Variants in SMIM31 observed in about 807,000 individuals in gnomAD.
SMIM31 encodes the protein human epithelial cell program regulator.
chr4:164,786,155 T>G (rs754798435), intron 2 of SMIM31, among the ~76,000 whole-genome samples: 1 of 152,194 alleles, frequency 6.6e-6, no homozygotes, highest in Non-Finnish European at 1.5e-5. Context: ...GTGACACAAT[T>G]TCCCAGGAAC....
intron 1 of SMIM31, among the ~76,000 whole-genome samples, chr4:164,765,992 T>C (rs149606489): frequency 7.9e-4 from 120 of 152,222 alleles, no homozygotes; most frequent in African/African-American, 2.8e-3. Flanking sequence ...TTCCATGCTG[T>C]CCCCGAGCAA....
At chr4:164,762,459 A>G (rs1440912914) in intron 1 of SMIM31, among the ~76,000 whole-genome samples, 1 of 152,028 alleles carries the variant, frequency 6.6e-6, no homozygotes, top group Non-Finnish European at 1.5e-5. Flanking sequence ...GCTCACACCT[A>G]TAATCCCAGC....
At chr4:164,781,129 T>TACACAC (rs138037586) in intron 2 of SMIM31, among the ~76,000 whole-genome samples, 1,747 of 144,524 alleles carry the variant, frequency 0.012, 29 homozygotes, top group African/African-American at 0.04. Flanking sequence ...TACATTTACA[T>TACACAC]ACACACACAC....
At chr4:164,765,602 A>G (rs1462054268) in intron 1 of SMIM31, among the ~76,000 whole-genome samples, 1 of 151,108 alleles carries the variant, frequency 6.6e-6, no homozygotes, top group African/African-American at 2.4e-5. Flanking sequence ...ATTTTTAAAG[A>G]AGGAAGGGAT....
intron 1 of SMIM31, among the ~76,000 whole-genome samples, chr4:164,765,921 T>G (rs879430040): frequency 6.6e-6 from 1 of 152,176 alleles, no homozygotes; most frequent in Non-Finnish European, 1.5e-5. Flanking sequence ...CTAGTCCCCT[T>G]GGCCCTTGAT....
At chr4:164,764,953 G>A (rs1277654558) in intron 1 of SMIM31, among the ~76,000 whole-genome samples, 3 of 152,212 alleles carry the variant, frequency 2.0e-5, no homozygotes, top group Non-Finnish European at 2.9e-5. Flanking sequence ...TGCCTCCAAT[G>A]ACAGTGAGTT....
At chr4:164,762,558 A>T (rs1732664207) in intron 1 of SMIM31, among the ~76,000 whole-genome samples, 1 of 151,696 alleles carries the variant, frequency 6.6e-6, no homozygotes, top group Non-Finnish European at 1.5e-5. Context: ...CTCTACTAAA[A>T]ATACTAAAAT....
chr4:164,790,276 A>C (rs1733082921), intron 2 of SMIM31, among the ~76,000 whole-genome samples: 1 of 152,202 alleles, frequency 6.6e-6, no homozygotes, highest in Non-Finnish European at 1.5e-5. Context: ...ACCTGCTGTC[A>C]CTGATTTGAA....
At chr4:164,798,186 G>A (rs559947324) in intron 2 of SMIM31, among the ~76,000 whole-genome samples, 4 of 151,718 alleles carry the variant, frequency 2.6e-5, no homozygotes, top group South Asian at 2.1e-4. Context: ...TCATTGTTGC[G>A]ATAAACATAT....
intron 1 of SMIM31, among the ~76,000 whole-genome samples, chr4:164,757,751 C>G (rs1227767914): frequency 1.3e-5 from 2 of 151,986 alleles, no homozygotes; most frequent in South Asian, 2.1e-4. Context: ...TAATTTTGAA[C>G]CCTTTATTTA....
At chr4:164,760,583 T>A (rs1212611918) in intron 1 of SMIM31, among the ~76,000 whole-genome samples, 22 of 127,580 alleles carry the variant, frequency 1.7e-4, no homozygotes, top group Admixed American at 4.9e-4. Flanking sequence ...AAAAAAAAAA[T>A]ACAAACATGA....
chr4:164,768,732 TCTG>T (rs913185478), intron 1 of SMIM31, among the ~76,000 whole-genome samples: 2 of 152,190 alleles, frequency 1.3e-5, no homozygotes, highest in Non-Finnish European at 2.9e-5. Flanking sequence ...CACAAATTTT[TCTG>T]TTTTTATTTT....
At chr4:164,784,660 TAAGA>T (rs1413098346) in intron 2 of SMIM31, among the ~76,000 whole-genome samples, 3 of 152,148 alleles carry the variant, frequency 2.0e-5, no homozygotes, top group Admixed American at 6.5e-5. Context: ...GAAATGGAAA[TAAGA>T]AAGGCCTAGG....
At chr4:164,756,280 G>T (rs79274872) in intron 1 of SMIM31, among the ~76,000 whole-genome samples, 17,402 of 152,136 alleles carry the variant, frequency 0.11, 1,107 homozygotes, top group African/African-American at 0.16. Flanking sequence ...ACTTTAAAAA[G>T]TAATAATAGG....
chr4:164,765,389 A>G (rs900114155), intron 1 of SMIM31, among the ~76,000 whole-genome samples: 12 of 152,216 alleles, frequency 7.9e-5, no homozygotes, highest in African/African-American at 2.2e-4. Flanking sequence ...AGGTGAATAC[A>G]TAATTCAGAA....
intron 2 of SMIM31, among the ~76,000 whole-genome samples, chr4:164,796,450 C>T (rs1198997656): frequency 1.3e-5 from 2 of 152,180 alleles, no homozygotes; most frequent in African/African-American, 4.8e-5. Context: ...TCCTCTCTAT[C>T]GGTACACATT....
intron 1 of SMIM31, among the ~76,000 whole-genome samples, chr4:164,755,703 T>C (rs542460926): frequency 2.5e-4 from 38 of 151,962 alleles, no homozygotes; most frequent in Non-Finnish European, 5.3e-4. Flanking sequence ...TGATTTGCCT[T>C]TTGTCCCATG....
intron 2 of SMIM31, among the ~76,000 whole-genome samples, chr4:164,797,728 G>T (rs761888310): frequency 1.6e-4 from 24 of 152,124 alleles, no homozygotes; most frequent in Non-Finnish European, 3.2e-4. Context: ...CCCCCAAAGT[G>T]CTGGGATTAC....
At chr4:164,765,514 A>T (rs1208719992) in intron 1 of SMIM31, among the ~76,000 whole-genome samples, 1 of 152,128 alleles carries the variant, frequency 6.6e-6, no homozygotes, top group Non-Finnish European at 1.5e-5. Context: ...CCTACAGATA[A>T]AACGGAAAAA....
Sources: allele counts gnomAD v4.1 joint callset (sites outside exome capture counted in the v4.1 genomes callset), GRCh38; gene constraint gnomAD v4.1.1; transcripts MANE v1.5; gene names NCBI Gene and HGNC (gene_info 2026-07-23, HGNC 2026-07-21).